NCR3LG1: variants seen among roughly 807,000 people sequenced by gnomAD.
NCR3LG1 encodes the protein natural cytotoxicity triggering receptor 3 ligand 1.
In NCR3LG1, 35 loss-of-function variants were observed where a neutral mutation model predicts 34.8. The ratio of observed to expected loss-of-function variants is 1.01; its 90% CI spans 0.77 to 1.33. The LOEUF is 1.33. Ranked by LOEUF, NCR3LG1 falls within the 40% of genes most tolerant of loss-of-function variation. NCR3LG1 has a pLI of 0.00. For synonymous variants in NCR3LG1, 173 were observed against 163.6 expected, an observed-to-expected ratio of 1.06 and a Z score of -0.44; for missense variants, 452 against 423.3, an observed-to-expected ratio of 1.07 and a Z score of -0.60.
intron 1 of NCR3LG1, among the ~76,000 whole-genome samples, chr11:17,352,697 A>G (rs981437824): frequency 7.9e-5 from 12 of 152,086 alleles, no homozygotes; most frequent in Non-Finnish European, 1.2e-4. Context: ...AATTGGAAAA[A>G]TCATTCATCC....
At chr11:17,362,378 T>C (rs1049984343) in intron 2 of NCR3LG1, among the ~76,000 whole-genome samples, 1 of 152,226 alleles carries the variant, frequency 6.6e-6, no homozygotes, top group African/African-American at 2.4e-5. Context: ...TAATATTTTC[T>C]TGAGGATTTT....
intron 1 of NCR3LG1, among the ~76,000 whole-genome samples, chr11:17,352,483 CTAT>C (rs373315696): frequency 6.6e-6 from 1 of 152,218 alleles, no homozygotes; most frequent in Non-Finnish European, 1.5e-5. Context: ...CCTGGGGGCT[CTAT>C]TTTCAAGCGT....
At chr11:17,362,771 T>C (rs1953293507) in intron 2 of NCR3LG1, among the ~76,000 whole-genome samples, 1 of 131,536 alleles carries the variant, frequency 7.6e-6, no homozygotes, top group Admixed American at 7.8e-5. Context: ...TTTCTTTCCT[T>C]CCTTCCTTCT....
intron 1 of NCR3LG1, among the ~76,000 whole-genome samples, chr11:17,355,327 G>A (rs1384968032): frequency 1.3e-5 from 2 of 152,076 alleles, no homozygotes; most frequent in Non-Finnish European, 2.9e-5. Flanking sequence ...AGCCCAGGAG[G>A]TGGAGGCTGC....
At chr11:17,362,230 T>C (rs1166725307) in intron 2 of NCR3LG1, among the ~76,000 whole-genome samples, 3 of 152,376 alleles carry the variant, frequency 2.0e-5, no homozygotes, top group South Asian at 4.1e-4. Context: ...GGTATGATCA[T>C]ATAATTTTTT....
In NCR3LG1 at chr11:17,373,121, C is replaced by T. The variant is rs775640180; in HGVS notation, c.*609C>T. On this transcript the variant is annotated 3_prime_UTR_variant, in exon 5 of 5. Coordinates refer to ENST00000338965, the MANE Select transcript of NCR3LG1 (RefSeq NM_001202439.3). ...AATTTTGAAAGACAAGTTTATTACT[C>T]AGACAGCCCCTGATATCAGAAGGAA... The T allele has an allele frequency of 6.6e-6, 1 of 152,246 alleles. No individual in the cohort carries two copies. The highest frequency in any genetic ancestry group is 2.1e-4 in the South Asian group (1 of 4,820). 9.4% of individuals were successfully genotyped at this position (152,246 alleles called of 1,614,324 possible).
chr11:17,380,126 G>A (rs117779089), downstream of NCR3LG1, among the ~76,000 whole-genome samples: 92 of 152,318 alleles, frequency 6.0e-4, 1 homozygote, highest in East Asian at 0.016. Flanking sequence ...GACTTTCTCA[G>A]AGTGTATATT....
At chr11:17,357,953 C>T (rs778138170) in intron 2 of NCR3LG1, among the ~76,000 whole-genome samples, 9 of 152,050 alleles carry the variant, frequency 5.9e-5, no homozygotes, top group African/African-American at 9.7e-5. Flanking sequence ...TCCTTGTGCC[C>T]GGGCCTCTCA....
chr11:17,352,096 C>A, intron 1 of NCR3LG1, 57 bp downstream of exon 1: 1 of 1,271,376 alleles, frequency 7.9e-7, no homozygotes, highest in Non-Finnish European at 1.1e-6. Flanking sequence ...AGGGTCCTCG[C>A]GGGTCGGCTC....
At chr11:17,353,295 T>C (rs1953160864) in intron 1 of NCR3LG1, among the ~76,000 whole-genome samples, 1 of 152,234 alleles carries the variant, frequency 6.6e-6, no homozygotes, top group South Asian at 2.1e-4. Flanking sequence ...AACGAGTGAA[T>C]AGTATTTCTA....
chr11:17,364,048 A>G (rs1591683028), intron 2 of NCR3LG1, among the ~76,000 whole-genome samples: 2 of 152,048 alleles, frequency 1.3e-5, no homozygotes, highest in Admixed American at 1.3e-4. Flanking sequence ...TATTTATTCA[A>G]ATTATTTCTT....
intron 4 of NCR3LG1, among the ~76,000 whole-genome samples, 169 bp downstream of exon 4, chr11:17,369,133 T>C (rs1388642622): frequency 1.3e-5 from 2 of 152,222 alleles, no homozygotes; most frequent in Non-Finnish European, 2.9e-5. Flanking sequence ...TCCAATCCAG[T>C]TTCCTATCAC....
intron 2 of NCR3LG1, among the ~76,000 whole-genome samples, chr11:17,366,347 A>T (rs1564857773): frequency 6.6e-6 from 1 of 152,164 alleles, no homozygotes; most frequent in Non-Finnish European, 1.5e-5. Context: ...GTCTTTTAAG[A>T]CATCCTTTTA....
In NCR3LG1 at chr11:17,370,192, AC is replaced by A. The variant is rs577917361; in HGVS notation, c.858+1231del. Among the ~76,000 whole-genome samples, 420 of 152,156 alleles carry A rather than the reference AC, an allele frequency of 2.8e-3. 7 individuals carry two copies. The highest frequency in any genetic ancestry group is 0.02 in the Admixed American group (307 of 15,284). On this transcript the variant is annotated intron_variant, in intron 4 of 4. Coordinates refer to ENST00000338965, the MANE Select transcript of NCR3LG1 (RefSeq NM_001202439.3). ...CTTTGTATTCAGCTGTGAAATGGCA[AC>A]CCTCTTTTGGGCCCCCTCTCTGCAG...
chr11:17,379,725 C>G (rs1953503837), downstream of NCR3LG1, among the ~76,000 whole-genome samples: 1 of 152,178 alleles, frequency 6.6e-6, no homozygotes, highest in East Asian at 1.9e-4. Flanking sequence ...TTGGAAAATA[C>G]TTTTAATATG....
intron 1 of NCR3LG1, among the ~76,000 whole-genome samples, chr11:17,355,282 A>G (rs1179417274): frequency 3.9e-5 from 6 of 152,072 alleles, no homozygotes; most frequent in African/African-American, 1.4e-4. Flanking sequence ...CTGTAGTCCC[A>G]ACTACTTGGG....
chr11:17,369,563 A>G (rs931036548), intron 4 of NCR3LG1, among the ~76,000 whole-genome samples: 3 of 152,260 alleles, frequency 2.0e-5, no homozygotes, highest in African/African-American at 7.2e-5. Flanking sequence ...AGTTTTAGAT[A>G]ATAAAAGGGC....
intron 2 of NCR3LG1, among the ~76,000 whole-genome samples, chr11:17,365,375 C>T (rs964227207): frequency 1.3e-5 from 2 of 152,100 alleles, no homozygotes; most frequent in African/African-American, 2.4e-5. Flanking sequence ...TATACTGGAG[C>T]CCTGTTGATG....
At chr11:17,366,140 A>G (rs1020964737) in intron 2 of NCR3LG1, among the ~76,000 whole-genome samples, 2 of 152,152 alleles carry the variant, frequency 1.3e-5, no homozygotes, top group Non-Finnish European at 2.9e-5. Context: ...TTTCTTTCAC[A>G]CTAATGTAGC....
Sources: allele counts gnomAD v4.1 joint callset (sites outside exome capture counted in the v4.1 genomes callset), GRCh38; gene constraint gnomAD v4.1.1; transcripts MANE v1.5; gene names NCBI Gene and HGNC (gene_info 2026-07-23, HGNC 2026-07-21).